HPSE2: variants seen among roughly 807,000 people sequenced by gnomAD.
HPSE2 encodes the protein inactive heparanase-2.
A neutral mutation model predicts 60.5 loss-of-function variants in HPSE2; 38 were observed. The ratio of observed to expected loss-of-function variants is 0.63; its 90% CI spans 0.48 to 0.82. HPSE2 has a LOEUF of 0.82. Ranked by LOEUF, HPSE2 falls within the 40% of genes least tolerant of loss-of-function variation. The probability of loss-of-function intolerance (pLI) is 0.00; values close to 1 mark genes in which losing one functional copy is unlikely to be tolerated. For synonymous variants in HPSE2, 295 were observed against 293.2 expected (o/e 1.01, Z -0.06); for missense variants, 713 against 740.4 (o/e 0.96, Z 0.43).
chr10:99,039,802 T>C (rs1315869537), intron 3 of HPSE2, among the ~76,000 whole-genome samples: 2 of 151,886 alleles, frequency 1.3e-5, no homozygotes, highest in South Asian at 2.1e-4. Flanking sequence ...AATCAATCAG[T>C]AGAAAGGGAA....
intron 3 of HPSE2, among the ~76,000 whole-genome samples, chr10:99,102,579 C>A (rs1157371414): frequency 6.6e-6 from 1 of 152,202 alleles, no homozygotes; most frequent in Non-Finnish European, 1.5e-5. Context: ...ACCATTCTTT[C>A]TGAAACTATT....
chr10:98,889,349 T>C (rs959813482), intron 3 of HPSE2, among the ~76,000 whole-genome samples: 3 of 151,478 alleles, frequency 2.0e-5, no homozygotes, highest in African/African-American at 7.3e-5. Flanking sequence ...CGCCTGGCTT[T>C]TCTCTCTCTC....
intron 3 of HPSE2, among the ~76,000 whole-genome samples, chr10:98,851,912 G>A (rs1952181879): frequency 6.6e-6 from 1 of 152,086 alleles, no homozygotes; most frequent in African/African-American, 2.4e-5. Flanking sequence ...TAAGAGAGCT[G>A]GGAGAAACAG....
chr10:98,691,426 A>C (rs1430844203), intron 6 of HPSE2, among the ~76,000 whole-genome samples: 2 of 152,246 alleles, frequency 1.3e-5, no homozygotes, highest in Non-Finnish European at 2.9e-5. Flanking sequence ...CATAAAAATA[A>C]TACTGTGCTC....
chr10:99,174,621 A>G (rs935428254), intron 2 of HPSE2, among the ~76,000 whole-genome samples: 1 of 152,176 alleles, frequency 6.6e-6, no homozygotes, highest in Non-Finnish European at 1.5e-5. Flanking sequence ...GTACCTGTCC[A>G]GTTTGTACTT....
intron 9 of HPSE2, among the ~76,000 whole-genome samples, chr10:98,589,018 G>A (rs974154151): frequency 3.9e-5 from 6 of 152,116 alleles, no homozygotes; most frequent in African/African-American, 1.4e-4. Flanking sequence ...AGGGGCTCAA[G>A]AGTGATCAAT....
intron 3 of HPSE2, among the ~76,000 whole-genome samples, chr10:98,800,189 G>A (rs778368372): frequency 6.6e-6 from 1 of 151,540 alleles, no homozygotes; most frequent in Non-Finnish European, 1.5e-5. Flanking sequence ...GCAAAATGGC[G>A]AGACTTCATC....
At chr10:98,819,465 T>C (rs540728559) in intron 3 of HPSE2, among the ~76,000 whole-genome samples, 3 of 149,158 alleles carry the variant, frequency 2.0e-5, no homozygotes, top group East Asian at 4.0e-4. Context: ...CCCAGTTCAC[T>C]TACTTGGAAG....
chr10:98,808,203 A>G (rs866140782), intron 3 of HPSE2, among the ~76,000 whole-genome samples: 2 of 152,144 alleles, frequency 1.3e-5, no homozygotes, highest in African/African-American at 4.8e-5. Flanking sequence ...ACCCCAAAAG[A>G]AGCATATTCA....
At chr10:98,515,156 G>A (rs868625915) in intron 9 of HPSE2, among the ~76,000 whole-genome samples, 28 of 152,148 alleles carry the variant, frequency 1.8e-4, no homozygotes, top group African/African-American at 6.8e-4. Context: ...GGCTGGAGGT[G>A]ATTTATTCCA....
At chr10:99,306,773 G>C in the HPSE2 span, among the ~76,000 whole-genome samples, 1 of 152,098 alleles carries the variant, frequency 6.6e-6, no homozygotes, top group Non-Finnish European at 1.5e-5. Flanking sequence ...ACAATGGCGC[G>C]ATCTCGGCTC....
At chr10:99,246,056 T>C in the HPSE2 span, among the ~76,000 whole-genome samples, 6 of 152,206 alleles carry the variant, frequency 3.9e-5, no homozygotes, top group South Asian at 4.1e-4. Context: ...TAAACACATA[T>C]GTTAAACAAT....
intron 5 of HPSE2, among the ~76,000 whole-genome samples, chr10:98,717,532 G>T (rs1473971223): frequency 6.6e-6 from 1 of 152,008 alleles, no homozygotes; most frequent in Non-Finnish European, 1.5e-5. Flanking sequence ...CCATTGTAGT[G>T]TTATTTATTG....
intron 6 of HPSE2, among the ~76,000 whole-genome samples, chr10:98,690,764 T>C (rs1233015086): frequency 1.3e-5 from 2 of 152,148 alleles, no homozygotes; most frequent in Non-Finnish European, 2.9e-5. Context: ...CTTGTAATTA[T>C]ACTTTCATCT....
chr10:98,630,349 C>T (rs1450959096), intron 7 of HPSE2, among the ~76,000 whole-genome samples: 4 of 152,086 alleles, frequency 2.6e-5, no homozygotes, highest in Admixed American at 1.3e-4. Context: ...AGGCGCCCGC[C>T]ACCACGCCCA....
At chr10:98,504,011 A>G (rs1942112990) in intron 9 of HPSE2, among the ~76,000 whole-genome samples, 1 of 152,254 alleles carries the variant, frequency 6.6e-6, no homozygotes, top group African/African-American at 2.4e-5. Context: ...CTTATGGGAA[A>G]AAAATCAGTG....
At chr10:99,265,160 G>A in the HPSE2 span, among the ~76,000 whole-genome samples, 2 of 152,102 alleles carry the variant, frequency 1.3e-5, no homozygotes, top group Admixed American at 1.3e-4. Context: ...TAACTGACAC[G>A]ATATATTCTC....
intron 9 of HPSE2, among the ~76,000 whole-genome samples, chr10:98,552,624 A>G (rs1335463336): frequency 6.6e-6 from 1 of 152,164 alleles, no homozygotes; most frequent in Non-Finnish European, 1.5e-5. Context: ...ATTCTTCGAC[A>G]ACATTTCATC....
At chr10:98,745,323 CT>C (rs1949603586) in intron 3 of HPSE2, among the ~76,000 whole-genome samples, 2 of 152,318 alleles carry the variant, frequency 1.3e-5, no homozygotes, top group African/African-American at 4.8e-5. Flanking sequence ...TGCCACCATT[CT>C]TTTTCTGGCT....
Sources: allele counts gnomAD v4.1 joint callset (sites outside exome capture counted in the v4.1 genomes callset), GRCh38; gene constraint gnomAD v4.1.1; transcripts MANE v1.5; gene names NCBI Gene and HGNC (gene_info 2026-07-23, HGNC 2026-07-21).